Variants in RUFY4 observed in about 807,000 individuals in gnomAD.
The protein encoded by RUFY4 is RUN and FYVE domain-containing protein 4.
A neutral mutation model predicts 69.0 loss-of-function variants in RUFY4; 73 were observed. The observed-to-expected ratio is 1.06, with a 90% CI of 0.88 to 1.29. The LOEUF (loss-of-function observed/expected upper bound fraction) is 1.29, where lower values mean the gene tolerates loss of function less well. Ranked by LOEUF, RUFY4 falls within the 50% of genes most tolerant of loss-of-function variation. The pLI is 0.00. For missense variants in RUFY4, 770 were observed against 705.6 expected (o/e 1.09, Z -1.03); for synonymous variants, 287 against 271.8 (o/e 1.06, Z -0.55).
upstream of RUFY4, among the ~76,000 whole-genome samples, chr2:218,067,378 C>A (rs1689364934): frequency 6.6e-6 from 1 of 152,238 alleles, no homozygotes; most frequent in African/African-American, 2.4e-5. Context: ...TGGCAGGCAG[C>A]CCAGATGTCC....
chr2:218,035,631 A>G (rs1958964268), intron 2 of RUFY4, among the ~76,000 whole-genome samples: 1 of 152,104 alleles, frequency 6.6e-6, no homozygotes, highest in Admixed American at 6.5e-5. Context: ...TTTCCGCTCC[A>G]TGCCTGGTCT....
At chr2:218,085,286 G>A (rs947175061) in intron 9 of RUFY4, among the ~76,000 whole-genome samples, 3 of 151,960 alleles carry the variant, frequency 2.0e-5, no homozygotes, top group Non-Finnish European at 2.9e-5. Context: ...TCTCAGGCAG[G>A]AGACATTAAA....
At chr2:218,086,178 CAG>C (rs1358670562) in intron 9 of RUFY4, among the ~76,000 whole-genome samples, 1 of 152,054 alleles carries the variant, frequency 6.6e-6, no homozygotes, top group Non-Finnish European at 1.5e-5. Flanking sequence ...ATAAAAAGCA[CAG>C]AGAGATGGGA....
At chr2:218,071,916 C>T (rs1247901517) in intron 2 of RUFY4, among the ~76,000 whole-genome samples, 1 of 152,148 alleles carries the variant, frequency 6.6e-6, no homozygotes, top group East Asian at 1.9e-4. Flanking sequence ...ACTTCTGCAC[C>T]CTCTCCTCAA....
intron 3 of RUFY4, chr2:218,058,692 G>T (rs1384509502): frequency 6.6e-6 from 1 of 152,226 alleles, no homozygotes; most frequent in Non-Finnish European, 1.5e-5. Context: ...GTCAGTGCAA[G>T]GTGCCAGACA....
chr2:218,076,907 T>C (rs1474490728), intron 8 of RUFY4, among the ~76,000 whole-genome samples: 1 of 152,204 alleles, frequency 6.6e-6, no homozygotes, highest in Admixed American at 6.5e-5. Flanking sequence ...TCTTTCTGTC[T>C]CCCTTTTTTA....
intron 2 of RUFY4, among the ~76,000 whole-genome samples, chr2:218,036,781 A>T (rs907833499): frequency 1.3e-5 from 2 of 152,260 alleles, no homozygotes; most frequent in Non-Finnish European, 2.9e-5. Context: ...GCGTGAAGTC[A>T]TCAACTTCTC....
chr2:218,083,894 A>T lies in RUFY4; in HGVS notation c.1502+638A>T, dbSNP rs568356647. Among the ~76,000 whole-genome samples, 130 of 141,724 alleles carry T rather than the reference A, an allele frequency of 9.2e-4. 2 individuals carry two copies. In the East Asian group the frequency reaches 0.021, roughly 23 times the overall value. 93.0% of individuals were successfully genotyped at this position (141,724 alleles called of 152,430 possible). On this transcript the variant is annotated intron_variant, in intron 9 of 10. Coordinates refer to ENST00000344321, the Ensembl canonical transcript of RUFY4. ...GGGAGGAGAAAGGAACCATGGGTTG[A>T]GAAGGAATTGGGAGAAGGAGGAAAA...
intron 2 of RUFY4, among the ~76,000 whole-genome samples, chr2:218,057,420 A>G (rs1259808214): frequency 6.6e-6 from 1 of 152,208 alleles, no homozygotes; most frequent in African/African-American, 2.4e-5. Flanking sequence ...TGGGTAAGCC[A>G]TTTATTACAC....
chr2:218,059,349 A>C (rs987208352), intron 3 of RUFY4: 1 of 163,772 alleles, frequency 6.1e-6, no homozygotes, highest in Non-Finnish European at 1.5e-5. Flanking sequence ...TTGTACAACT[A>C]TCACTACTGT....
At chr2:218,078,290 A>G (rs1349196379) in intron 8 of RUFY4, among the ~76,000 whole-genome samples, 2 of 152,208 alleles carry the variant, frequency 1.3e-5, no homozygotes, top group Admixed American at 6.5e-5. Flanking sequence ...GCCAGGGAAG[A>G]CCTCCCTGTA....
At chr2:218,075,125 C>G in exon 7 of RUFY4, 2 of 1,545,282 alleles carry the variant, frequency 1.3e-6, no homozygotes, top group Non-Finnish European at 1.8e-6. Flanking sequence ...CTGAAAATGT[C>G]CAGATTGAGG....
At chr2:218,041,134 T>C (rs531745974) in intron 2 of RUFY4, among the ~76,000 whole-genome samples, 1 of 152,282 alleles carries the variant, frequency 6.6e-6, no homozygotes, top group East Asian at 1.9e-4. Flanking sequence ...TCAGTCCCAA[T>C]GTCTCCCTCA....
intron 2 of RUFY4, among the ~76,000 whole-genome samples, chr2:218,043,956 C>G (rs552763424): frequency 1.3e-5 from 2 of 152,376 alleles, no homozygotes; most frequent in East Asian, 3.9e-4. Context: ...GGGCTGGTGT[C>G]CCAGTACTGC....
intron 4 of RUFY4, 30 bp downstream of exon 6, chr2:218,072,915 T>A: frequency 1.4e-6 from 2 of 1,479,718 alleles, no homozygotes; most frequent in South Asian, 2.6e-5. Context: ...CTCCTGCCGA[T>A]GCCATCTGAG....
intron 2 of RUFY4, among the ~76,000 whole-genome samples, chr2:218,038,504 T>C (rs2373240): frequency 0.021 from 3,156 of 152,282 alleles, 131 homozygotes; most frequent in African/African-American, 0.073. Context: ...TTAACAAAAG[T>C]GAATTGATTT....
intron 3 of RUFY4, 113 bp downstream of exon 5, chr2:218,072,612 T>C (rs909967013): frequency 1.8e-5 from 26 of 1,426,154 alleles, no homozygotes; most frequent in Non-Finnish European, 2.4e-5. Flanking sequence ...TCTGCATGTC[T>C]CCTAAGCCCT....
intron 3 of RUFY4, chr2:218,061,059 A>T (rs1574501590): frequency 3.1e-6 from 2 of 642,526 alleles, no homozygotes; most frequent in African/African-American, 1.8e-5. Flanking sequence ...GAGCTAGACC[A>T]CCTGGCACAG....
upstream of RUFY4, chr2:218,065,791 G>A (rs1334343922): frequency 6.6e-6 from 1 of 152,630 alleles, no homozygotes; most frequent in Non-Finnish European, 1.5e-5. Flanking sequence ...CTCCTTCCAG[G>A]AGTCAGACAG....
Sources: gnomAD v4.1 joint callset for allele counts (sites outside exome capture counted in the v4.1 genomes callset) on GRCh38, gnomAD v4.1.1 for gene constraint, MANE v1.5 for transcripts, NCBI Gene and HGNC (gene_info 2026-07-23, HGNC 2026-07-21) for gene names.